The following MYO5A variants were observed in gnomAD, a reference collection of about 807,000 sequenced individuals.
MYO5A encodes the protein myosin VA.
Under a neutral mutation model 249.7 loss-of-function variants are expected in MYO5A, and 98 were observed. The ratio of observed to expected loss-of-function variants is 0.39; its 90% CI spans 0.33 to 0.46. MYO5A has a LOEUF of 0.46. Ranked by LOEUF, MYO5A falls within the 20% of genes least tolerant of loss-of-function variation. The pLI, the probability that MYO5A is intolerant of heterozygous loss-of-function variation, is 0.98. For missense variants in MYO5A, 1,696 were observed against 2,308.8 expected (o/e 0.73, Z 5.44); for synonymous variants, 778 against 810.6 (o/e 0.96, Z 0.68).
upstream of MYO5A, chr15:52,528,912 G>C: frequency 9.8e-7 from 1 of 1,020,556 alleles, no homozygotes; most frequent in South Asian, 4.7e-5. Flanking sequence ...GCAGGGAGCA[G>C]GGCAGGGCAG....
At chr15:52,448,825 T>C (rs937145059) in intron 1 of MYO5A, among the ~76,000 whole-genome samples, 5 of 152,084 alleles carry the variant, frequency 3.3e-5, no homozygotes, top group Non-Finnish European at 7.4e-5. Flanking sequence ...TCTGCCATGA[T>C]TGTAAATTTC....
intron 16 of MYO5A, among the ~76,000 whole-genome samples, chr15:52,380,326 C>T (rs1362957568): frequency 6.6e-6 from 1 of 151,904 alleles, no homozygotes; most frequent in Non-Finnish European, 1.5e-5. Context: ...ATCCCAGCTA[C>T]TTGGGAGGCT....
At chr15:52,388,898 T>A (rs2042086763) in intron 13 of MYO5A, among the ~76,000 whole-genome samples, 2 of 152,122 alleles carry the variant, frequency 1.3e-5, no homozygotes, top group Admixed American at 1.3e-4. Flanking sequence ...ATTTCTATAG[T>A]GAAATATGAA....
In MYO5A at chr15:52,425,812, A is replaced by G. The variant is rs995356902; in HGVS notation, c.455+18T>C. ...ATCTAATAACTGCCATAAAATAACAATGAAAGCTTCTACCAACCTGGCCAT... is the reference window on the plus strand; with the variant it reads ...ATCTAATAACTGCCATAAAATAACAGTGAAAGCTTCTACCAACCTGGCCAT... On this transcript the variant is annotated intron_variant, in intron 4 of 41. Coordinates refer to ENST00000399233, the MANE Select transcript of MYO5A (RefSeq NM_001382347.1). The G allele has an allele frequency of 6.2e-7, 1 of 1,613,220 alleles. No individual in the cohort carries two copies. Among genetic ancestry groups the G allele is most frequent in the Non-Finnish European group, 8.5e-7 (1 of 1,179,400 alleles).
intron 18 of MYO5A, among the ~76,000 whole-genome samples, chr15:52,377,433 T>A (rs1278355933): frequency 6.6e-6 from 1 of 151,356 alleles, no homozygotes; most frequent in Admixed American, 6.6e-5. Flanking sequence ...AAAAAAAAAA[T>A]CCTTTCAAAC....
intron 24 of MYO5A, among the ~76,000 whole-genome samples, chr15:52,364,006 A>G (rs1177715487): frequency 6.6e-6 from 1 of 152,228 alleles, no homozygotes; most frequent in Non-Finnish European, 1.5e-5. Flanking sequence ...TGGGAGGCCA[A>G]GGTGGGTAGA....
chr15:52,384,381 CACAAAAGAAATATT>C, intron 14 of MYO5A, 59 bp from the exon 15 acceptor site: 2 of 1,522,126 alleles, frequency 1.3e-6, no homozygotes. Context: ...CGCAAACCTT[CACAAAAGAAATATT>C]ACAGAGATTC....
intron 2 of MYO5A, among the ~76,000 whole-genome samples, chr15:52,429,684 A>C (rs2075480741): frequency 8.4e-6 from 1 of 119,724 alleles, no homozygotes; most frequent in South Asian, 2.4e-4. Flanking sequence ...GCGAGACTCC[A>C]TCTCAAAAAA....
intron 9 of MYO5A, among the ~76,000 whole-genome samples, chr15:52,404,712 G>T (rs2042920134): frequency 2.0e-5 from 3 of 152,128 alleles, no homozygotes; most frequent in African/African-American, 7.2e-5. Flanking sequence ...TAGGGAAGAA[G>T]AGCAATGTAT....
At chr15:52,381,812 A>C (rs1027284420) in intron 16 of MYO5A, among the ~76,000 whole-genome samples, 1 of 151,328 alleles carries the variant, frequency 6.6e-6, no homozygotes, top group African/African-American at 2.4e-5. Context: ...ACACACACGG[A>C]GCATGGAGGG....
At chr15:52,474,327 T>C (rs1382133778) in intron 1 of MYO5A, among the ~76,000 whole-genome samples, 1 of 152,240 alleles carries the variant, frequency 6.6e-6, no homozygotes, top group African/African-American at 2.4e-5. Flanking sequence ...AATCATGTCA[T>C]CTGCAAACAG....
At chr15:52,348,164 TCAGATTTGGGCCAC>T (rs2039740407) in intron 29 of MYO5A, among the ~76,000 whole-genome samples, 1 of 152,216 alleles carries the variant, frequency 6.6e-6, no homozygotes, top group Non-Finnish European at 1.5e-5. Flanking sequence ...GGGAATGGGA[TCAGATTTGGGCCAC>T]CAGCATTCAG....
At chr15:52,432,170 G>C (rs1357156426) in intron 2 of MYO5A, among the ~76,000 whole-genome samples, 1 of 152,160 alleles carries the variant, frequency 6.6e-6, no homozygotes, top group East Asian at 1.9e-4. Context: ...CCCTATAGAA[G>C]AATTCTAGTT....
At chr15:52,388,964 G>A (rs998136516) in intron 13 of MYO5A, among the ~76,000 whole-genome samples, 1 of 151,682 alleles carries the variant, frequency 6.6e-6, no homozygotes, top group Non-Finnish European at 1.5e-5. Flanking sequence ...TGTTAATTCA[G>A]ATCAGAGATC....
chr15:52,466,041 GA>G (rs2076346127), intron 1 of MYO5A, among the ~76,000 whole-genome samples: 1 of 152,164 alleles, frequency 6.6e-6, no homozygotes, highest in African/African-American at 2.4e-5. Flanking sequence ...CAGACCACAG[GA>G]AAGTACCTTG....
At chr15:52,390,681 T>C (rs369305585) in intron 12 of MYO5A, among the ~76,000 whole-genome samples, 2 of 150,868 alleles carry the variant, frequency 1.3e-5, no homozygotes, top group Admixed American at 6.6e-5. Context: ...TGCCTCAGCC[T>C]CCCAAGTAGC....
chr15:52,450,405 G>A (rs772044137), intron 1 of MYO5A, among the ~76,000 whole-genome samples: 5 of 151,770 alleles, frequency 3.3e-5, no homozygotes, highest in East Asian at 3.9e-4. Flanking sequence ...AGTGGATCAC[G>A]CCTGTAATCC....
At chr15:52,374,961 G>A (rs777879523) in intron 20 of MYO5A, among the ~76,000 whole-genome samples, 4 of 152,058 alleles carry the variant, frequency 2.6e-5, no homozygotes, top group Admixed American at 6.5e-5. Context: ...ATAACTGTAT[G>A]TGATTATTTA....
chr15:52,329,975 G>GT (rs776658151), intron 35 of MYO5A, among the ~76,000 whole-genome samples: 9,037 of 133,666 alleles, frequency 0.068, 1,127 homozygotes, highest in African/African-American at 0.26. Flanking sequence ...GGCCTTGAGG[G>GT]TTTTTTCTTT....
Sources: allele counts gnomAD v4.1 joint callset (sites outside exome capture counted in the v4.1 genomes callset), GRCh38; gene constraint gnomAD v4.1.1; transcripts MANE v1.5; gene names NCBI Gene and HGNC (gene_info 2026-07-23, HGNC 2026-07-21).